The following PDLIM5 variants were observed in gnomAD, a reference collection of about 807,000 sequenced individuals.
PDLIM5 encodes PDZ and LIM domain protein 5.
PDLIM5 carries 34 observed loss-of-function variants against 64.2 expected under a neutral mutation model. That is an observed-to-expected ratio of 0.53 (90% CI 0.40 to 0.71). The LOEUF is 0.71. Ranked by LOEUF, PDLIM5 falls within the 30% of genes least tolerant of loss-of-function variation. The probability of loss-of-function intolerance (pLI) is 0.00; values close to 1 mark genes in which losing one functional copy is unlikely to be tolerated. For missense variants in PDLIM5, 683 were observed against 733.6 expected, an observed-to-expected ratio of 0.93 and a Z score of 0.80; for synonymous variants, 253 against 269.1, an observed-to-expected ratio of 0.94 and a Z score of 0.59.
chr4:94,586,809 C>G (rs1460781443), intron 7 of PDLIM5, among the ~76,000 whole-genome samples: 2 of 152,072 alleles, frequency 1.3e-5, no homozygotes, highest in African/African-American at 4.8e-5. Flanking sequence ...GGATTAATTG[C>G]TATATTTCTA....
At position 94,593,421 on chromosome 4, in the gene PDLIM5, G is replaced by C. The variant is rs1279135340; in HGVS notation, c.920+6977G>C. ...CTGGAGACTGTAAGTTCTAGGTCAA[G>C]GTGCCAGCAGAGTTGGTGTCTGTTG... On this transcript the variant is annotated intron_variant, in intron 7 of 12. Coordinates refer to ENST00000317968, the MANE Select transcript of PDLIM5 (RefSeq NM_006457.5). Among the ~76,000 whole-genome samples the C allele has an allele frequency of 2.6e-5, 4 of 152,268 alleles. No homozygotes were observed. In the East Asian group the frequency reaches 7.7e-4, roughly 29 times the overall value.
intron 12 of PDLIM5, 101 bp from the exon 13 acceptor site, chr4:94,663,877 C>G: frequency 3.4e-6 from 4 of 1,193,442 alleles, no homozygotes; most frequent in Non-Finnish European, 4.6e-6. Context: ...GTCATATTAT[C>G]CATTGGGGGG....
At chr4:94,462,739 C>T (rs775632940) in intron 2 of PDLIM5, among the ~76,000 whole-genome samples, 3 of 152,072 alleles carry the variant, frequency 2.0e-5, no homozygotes, top group African/African-American at 7.2e-5. Flanking sequence ...CTGATATTGC[C>T]GTCTTTATAG....
At chr4:94,473,941 A>G (rs1456760057) in intron 2 of PDLIM5, among the ~76,000 whole-genome samples, 1 of 152,172 alleles carries the variant, frequency 6.6e-6, no homozygotes, top group African/African-American at 2.4e-5. Context: ...ATTTATTTTC[A>G]TTGTCATCAT....
intron 1 of PDLIM5, among the ~76,000 whole-genome samples, chr4:94,453,953 A>G (rs936239919): frequency 3.3e-5 from 5 of 152,080 alleles, no homozygotes; most frequent in Non-Finnish European, 7.4e-5. Flanking sequence ...ATTTTCCCTG[A>G]TATAATTTTT....
chr4:94,468,842 T>A (rs1012539268), intron 2 of PDLIM5, among the ~76,000 whole-genome samples: 9 of 152,228 alleles, frequency 5.9e-5, no homozygotes, highest in African/African-American at 2.4e-5. Flanking sequence ...AGAAGAGGTG[T>A]TAGTCAACAC....
intron 11 of PDLIM5, among the ~76,000 whole-genome samples, chr4:94,660,449 T>G (rs563131590): frequency 6.6e-6 from 1 of 152,216 alleles, no homozygotes; most frequent in Non-Finnish European, 1.5e-5. Flanking sequence ...TAATTTTCCT[T>G]AATAGTGTAG....
At chr4:94,491,506 C>T (rs986783822) in intron 2 of PDLIM5, among the ~76,000 whole-genome samples, 1 of 152,008 alleles carries the variant, frequency 6.6e-6, no homozygotes, top group Non-Finnish European at 1.5e-5. Context: ...GAATTCATCA[C>T]TTTCATATTA....
At chr4:94,467,193 G>A (rs922470555) in intron 2 of PDLIM5, among the ~76,000 whole-genome samples, 2 of 152,118 alleles carry the variant, frequency 1.3e-5, no homozygotes, top group African/African-American at 4.8e-5. Flanking sequence ...CCCAGTACAT[G>A]TTCAGTAACT....
intron 6 of PDLIM5, 92 bp from the exon 7 acceptor site, chr4:94,586,316 A>G: frequency 1.4e-6 from 1 of 703,336 alleles, no homozygotes; most frequent in South Asian, 1.8e-5. Context: ...TGGAAGTTGA[A>G]CATTTGATAT....
At chr4:94,587,752 G>A (rs1222140118) in intron 7 of PDLIM5, 4 of 979,660 alleles carry the variant, frequency 4.1e-6, no homozygotes, top group Non-Finnish European at 4.8e-6. Context: ...TCTTTGGTTT[G>A]GTTGGATTTG....
chr4:94,498,899 C>T (rs1289426630), intron 2 of PDLIM5, among the ~76,000 whole-genome samples: 2 of 152,162 alleles, frequency 1.3e-5, no homozygotes, highest in Non-Finnish European at 2.9e-5. Context: ...TTATAACTAT[C>T]TGATATTTTA....
chr4:94,606,261 G>T (rs1578459114), intron 7 of PDLIM5, among the ~76,000 whole-genome samples: 1 of 152,086 alleles, frequency 6.6e-6, no homozygotes, highest in African/African-American at 2.4e-5. Context: ...AACAAATAAC[G>T]ACACAAATTG....
intron 2 of PDLIM5, among the ~76,000 whole-genome samples, chr4:94,509,977 C>T (rs1439567526): frequency 6.6e-6 from 1 of 152,136 alleles, no homozygotes; most frequent in East Asian, 1.9e-4. Flanking sequence ...CAAGTTGCCA[C>T]GCAGTATCAA....
At chr4:94,649,487 A>G (rs1741677910) in intron 9 of PDLIM5, among the ~76,000 whole-genome samples, 1 of 151,882 alleles carries the variant, frequency 6.6e-6, no homozygotes, top group African/African-American at 2.4e-5. Flanking sequence ...TCCCTGCTTA[A>G]TTTTTCTTGT....
chr4:94,593,022 C>T (rs1055206080), intron 7 of PDLIM5, among the ~76,000 whole-genome samples: 1 of 152,142 alleles, frequency 6.6e-6, no homozygotes, highest in Admixed American at 6.5e-5. Flanking sequence ...TTACATGCTA[C>T]ACAATTTTTA....
intron 7 of PDLIM5, chr4:94,610,225 T>G: frequency 5.3e-6 from 8 of 1,519,280 alleles, no homozygotes; most frequent in Non-Finnish European, 7.1e-6. Flanking sequence ...TTCTACCTTC[T>G]CTTCTCCTGC....
intron 7 of PDLIM5, among the ~76,000 whole-genome samples, chr4:94,588,563 CTAAATAAATAAATAAATAAA>C (rs70946537): frequency 2.7e-5 from 4 of 145,880 alleles, no homozygotes; most frequent in Non-Finnish European, 6.0e-5. Flanking sequence ...AACTCCATCT[CTAAATAAATAAATAAATAAA>C]TAAATAAATA....
In PDLIM5 at chr4:94,665,866, G is replaced by A; in HGVS notation, c.*1799G>A. On this transcript the variant is annotated 3_prime_UTR_variant, in exon 13 of 13. Coordinates refer to ENST00000317968, the MANE Select transcript of PDLIM5 (RefSeq NM_006457.5). The stretch of plus-strand genomic sequence containing the variant: ...GTTGGGAGGGGAGTTTAATTACTCA[G>A]ATTGGCCTGTTATTTGATTTCCTCC... The A allele has an allele frequency of 2.1e-6, 3 of 1,410,732 alleles. No homozygotes were observed. Among genetic ancestry groups the A allele is most frequent in the Non-Finnish European group, 2.8e-6 (3 of 1,089,412 alleles). The allele number at this position is 1,410,732 out of a possible 1,614,324, so 87.4% of individuals were successfully genotyped here.
Sources: allele counts gnomAD v4.1 joint callset (sites outside exome capture counted in the v4.1 genomes callset), GRCh38; gene constraint gnomAD v4.1.1; transcripts MANE v1.5; gene names NCBI Gene and HGNC (gene_info 2026-07-23, HGNC 2026-07-21).